Variants in COP1 observed in about 807,000 individuals in gnomAD.
The protein encoded by COP1 is E3 ubiquitin-protein ligase COP1.
In COP1, 24 loss-of-function variants were observed where a neutral mutation model predicts 101.3. The observed-to-expected ratio is 0.24, with a 90% confidence interval of 0.17 to 0.33. The LOEUF (loss-of-function observed/expected upper bound fraction) is 0.33. Among genes scored for constraint, COP1 ranks in the 10% least tolerant of loss-of-function variants. The pLI is 1.00. For synonymous variants in COP1, 347 were observed against 341.9 expected (o/e 1.01, Z -0.17); for missense variants, 663 against 906.2 (o/e 0.73, Z 3.45).
At chr1:176,197,042 C>T (rs1458967726) in intron 1 of COP1, among the ~76,000 whole-genome samples, 2 of 152,238 alleles carry the variant, frequency 1.3e-5, no homozygotes, top group South Asian at 2.1e-4. Context: ...TCCCTATATT[C>T]TAACTCCCAG....
chr1:176,099,074 A>T (rs536417736), intron 9 of COP1, among the ~76,000 whole-genome samples: 12 of 152,306 alleles, frequency 7.9e-5, no homozygotes, highest in African/African-American at 2.9e-4. Flanking sequence ...AGTTATTGTA[A>T]ACCACAGAGA....
In COP1 at chr1:176,011,536, CAG is replaced by C. The variant is rs1215152976; in HGVS notation, c.1729+16034_1729+16035del. Among the ~76,000 whole-genome samples the C allele has an allele frequency of 5.3e-5, 8 of 152,238 alleles. No individual in the cohort carries two copies. The South Asian group carries it at 1.2e-3, about 24-fold the overall frequency. On this transcript the variant is annotated intron_variant, in intron 15 of 19. Coordinates refer to ENST00000367669, the MANE Select transcript of COP1 (RefSeq NM_022457.7). ...TTTCTCATTAATGTACTCCATAAACCAGAGAGTATGCTTATCATACCATCTTA... is the reference window on the plus strand; with the variant it reads ...TTTCTCATTAATGTACTCCATAAACCAGAGTATGCTTATCATACCATCTTA...
intron 11 of COP1, among the ~76,000 whole-genome samples, chr1:176,055,360 G>A (rs546533515): frequency 2.6e-4 from 40 of 152,234 alleles, no homozygotes; most frequent in South Asian, 8.3e-4. Flanking sequence ...GCTTAAACCC[G>A]GGAAGAGGAG....
intron 18 of COP1, 100 bp from the exon 19 acceptor site, chr1:175,947,339 C>T (rs2148475808): frequency 2.5e-6 from 2 of 808,844 alleles, no homozygotes; most frequent in East Asian, 2.4e-5. Flanking sequence ...ACTTCAATTC[C>T]TAAGACAATT....
chr1:175,982,831 T>C (rs547209228), intron 18 of COP1, among the ~76,000 whole-genome samples: 1 of 152,058 alleles, frequency 6.6e-6, no homozygotes, highest in South Asian at 2.1e-4. Context: ...AAAATTGAAC[T>C]CAGAGAAATA....
At chr1:175,981,258 T>G (rs892826592) in intron 18 of COP1, among the ~76,000 whole-genome samples, 2 of 152,186 alleles carry the variant, frequency 1.3e-5, no homozygotes, top group Admixed American at 6.5e-5. Context: ...GAATTCATGG[T>G]TTGCAAATGT....
intron 12 of COP1, among the ~76,000 whole-genome samples, chr1:176,045,581 GAA>G (rs533930344): frequency 4.1e-4 from 41 of 101,130 alleles, no homozygotes; most frequent in African/African-American, 1.2e-3. Context: ...TGTTTAGAAG[GAA>G]AAAAAAAAAA....
chr1:176,141,648 A>G (rs940128072), intron 6 of COP1, among the ~76,000 whole-genome samples: 2 of 152,086 alleles, frequency 1.3e-5, no homozygotes, highest in Non-Finnish European at 2.9e-5. Context: ...TCACTCCACA[A>G]ACACTCACAT....
intron 1 of COP1, among the ~76,000 whole-genome samples, chr1:176,199,840 G>A (rs189099784): frequency 1.3e-5 from 2 of 152,302 alleles, no homozygotes; most frequent in East Asian, 3.9e-4. Context: ...CTTCATTAGG[G>A]TGGTGACTGC....
intron 15 of COP1, among the ~76,000 whole-genome samples, chr1:176,007,636 G>C (rs1663638118): frequency 6.6e-6 from 1 of 151,718 alleles, no homozygotes. Context: ...GCTGGGGGGT[G>C]TCTCCCAGTT....
intron 15 of COP1, among the ~76,000 whole-genome samples, chr1:175,991,262 T>A (rs1658363975): frequency 6.6e-6 from 1 of 152,194 alleles, no homozygotes; most frequent in African/African-American, 2.4e-5. Flanking sequence ...TAGCCTATTG[T>A]GCTCCTATGC....
chr1:176,178,140 T>C (rs1350714951), intron 2 of COP1, among the ~76,000 whole-genome samples: 1 of 152,106 alleles, frequency 6.6e-6, no homozygotes, highest in Non-Finnish European at 1.5e-5. Flanking sequence ...ATACTAAATC[T>C]TTATTTTCAT....
At chr1:176,029,151 CTTATT>C (rs1282709405) in intron 14 of COP1, among the ~76,000 whole-genome samples, 1 of 151,950 alleles carries the variant, frequency 6.6e-6, no homozygotes. Context: ...GGAAACTGTT[CTTATT>C]TTATCTTTCA....
chr1:175,951,254 A>C (rs1414402605), intron 18 of COP1, among the ~76,000 whole-genome samples: 15 of 150,984 alleles, frequency 9.9e-5, no homozygotes, highest in Admixed American at 9.9e-4. Flanking sequence ...CATCTCAAAA[A>C]TAAATAAATA....
At chr1:176,112,351 T>A (rs1042721732) in intron 9 of COP1, among the ~76,000 whole-genome samples, 1 of 152,182 alleles carries the variant, frequency 6.6e-6, no homozygotes, top group Admixed American at 6.5e-5. Flanking sequence ...TTAGGGTACA[T>A]GTGCACAACG....
At chr1:176,079,780 T>C (rs146197634) in intron 11 of COP1, among the ~76,000 whole-genome samples, 93 of 152,268 alleles carry the variant, frequency 6.1e-4, no homozygotes, top group African/African-American at 1.9e-3. Flanking sequence ...TCTTAACCAC[T>C]GCTGAATGTG....
rs567721237 is a variant in COP1 at position 176,077,394 on chromosome 1, C to CA, written c.1277+3757dup. ...TTTACCACATAAATAGAATAAAAAA[C>CA]AAAAAACATATGATCATCTCAACAG... is the stretch of plus-strand genomic sequence containing the variant. On this transcript the variant is annotated intron_variant, in intron 11 of 19. Transcript: ENST00000367669. 4.9e-3 allele frequency among the ~76,000 whole-genome samples: 743 copies of CA among 152,084 alleles called. 2 individuals carry two copies. Among genetic ancestry groups the CA allele is most frequent in the Middle Eastern group, 0.01 (3 of 294 alleles).
intron 11 of COP1, among the ~76,000 whole-genome samples, chr1:176,046,539 A>C (rs1292106422): frequency 6.6e-6 from 1 of 152,070 alleles, no homozygotes; most frequent in African/African-American, 2.4e-5. Flanking sequence ...ATATCTACAC[A>C]ATTGTGCACA....
intron 14 of COP1, 81 bp downstream of exon 14, chr1:176,043,105 T>C: frequency 1.2e-6 from 1 of 813,154 alleles, no homozygotes; most frequent in East Asian, 2.5e-5. Flanking sequence ...TGAGTAAATA[T>C]TTGTATTTCT....
Sources: gnomAD v4.1 joint callset for allele counts (sites outside exome capture counted in the v4.1 genomes callset) on GRCh38, gnomAD v4.1.1 for gene constraint, MANE v1.5 for transcripts, NCBI Gene and HGNC (gene_info 2026-07-23, HGNC 2026-07-21) for gene names.